NFIX: variants seen among roughly 807,000 people sequenced by gnomAD.
NFIX encodes nuclear factor I X.
In NFIX, 2 loss-of-function variants were observed where a neutral mutation model predicts 53.3. The observed-to-expected ratio is 0.04, with a 90% confidence interval of 0.02 to 0.12. NFIX has a LOEUF of 0.12. Among genes scored for constraint, NFIX ranks in the 10% least tolerant of loss-of-function variants. NFIX has a pLI of 1.00. For synonymous variants in NFIX, 244 were observed against 289.0 expected, an observed-to-expected ratio of 0.84 and a Z score of 1.58; for missense variants, 310 against 674.5, an observed-to-expected ratio of 0.46 and a Z score of 5.99.
At chr19:13,017,795 C>T (rs2012748308) in intron 1 of NFIX, among the ~76,000 whole-genome samples, 1 of 152,220 alleles carries the variant, frequency 6.6e-6, no homozygotes, top group African/African-American at 2.4e-5. Context: ...CTTTGCCTTG[C>T]CTTTTGTCAC....
chr19:12,996,819 AGCGAAGTTCCCTGCGCG>A lies in NFIX; in HGVS notation c.27+959_27+975del, dbSNP rs1400851491. 2.0e-5 allele frequency among the ~76,000 whole-genome samples: 3 copies of A among 152,258 alleles called. No homozygotes were observed. Among genetic ancestry groups the A allele is most frequent in the Non-Finnish European group, 4.4e-5 (3 of 68,032 alleles). On this transcript the variant is annotated intron_variant, in intron 1 of 10. Transcript: ENST00000592199. The surrounding 1 kb of genome is among the most constrained non-coding windows in gnomAD (Gnocchi z 5.2). ...CGTTGCTAGAGCGCGTCCCGCCTGC[AGCGAAGTTCCCTGCGCG>A]GCGCACGGCTGCGGCAAAAGCTTCG...
chr19:13,004,929 G>A (rs2011936002), intron 1 of NFIX, among the ~76,000 whole-genome samples: 1 of 151,794 alleles, frequency 6.6e-6, no homozygotes, highest in Non-Finnish European at 1.5e-5. Context: ...CAATTCTCAT[G>A]CCTCAGCCTC....
intron 2 of NFIX, among the ~76,000 whole-genome samples, chr19:13,035,385 T>G (rs1425604427): frequency 2.0e-5 from 3 of 152,138 alleles, no homozygotes; most frequent in Non-Finnish European, 4.4e-5. Flanking sequence ...CCTCTCTGAT[T>G]TTTTGCATAG....
chr19:13,003,643 CAT>C (rs1491281727), intron 1 of NFIX, among the ~76,000 whole-genome samples: 2 of 151,922 alleles, frequency 1.3e-5, no homozygotes, highest in Non-Finnish European at 2.9e-5. Context: ...TGTCTGGAAA[CAT>C]TTTTTTTTTT....
intron 2 of NFIX, among the ~76,000 whole-genome samples, chr19:13,061,084 C>T (rs116360336): frequency 1.3e-5 from 1 of 75,678 alleles, no homozygotes; most frequent in East Asian, 8.9e-4. Context: ...GGCCTTAGAC[C>T]CCCCCCTCCC....
In NFIX at chr19:13,001,905, C is replaced by T. The variant is rs1436235074; in HGVS notation, c.27+6041C>T. On this transcript the variant is annotated intron_variant, in intron 1 of 10. Coordinates refer to ENST00000592199, the MANE Select transcript of NFIX (RefSeq NM_001365902.3). The surrounding 1 kb of genome is among the most constrained non-coding windows in gnomAD (Gnocchi z 6.5). ...CTTGCTGGGGGCCCCGCCCGTGCCC[C>T]TGGCCTGGCGTGGACAGAAGCCCGT... is the stretch of plus-strand genomic sequence containing the variant. 6.6e-6 allele frequency among the ~76,000 whole-genome samples: 1 copy of T among 152,250 alleles called. No homozygotes were observed. The highest frequency in any genetic ancestry group is 2.4e-5 in the African/African-American group (1 of 41,468).
chr19:13,024,275 G>T (rs2013144261), intron 1 of NFIX, among the ~76,000 whole-genome samples: 1 of 152,192 alleles, frequency 6.6e-6, no homozygotes, highest in Non-Finnish European at 1.5e-5. Context: ...CACCTTATTT[G>T]TGCTAACAAG....
chr19:13,087,857 A>T, intron 8 of NFIX, 132 bp from the exon 9 acceptor site: 1 of 801,320 alleles, frequency 1.2e-6, no homozygotes, highest in Non-Finnish European at 1.8e-6. Context: ...TGTGCCCTGG[A>T]GGAGAGGACC....
intron 10 of NFIX, among the ~76,000 whole-genome samples, chr19:13,092,871 G>A (rs961321848): frequency 2.0e-5 from 3 of 152,256 alleles, no homozygotes; most frequent in African/African-American, 7.2e-5. Flanking sequence ...AGGCCCCAAT[G>A]AGCCTCTGTT....
In NFIX at chr19:13,086,977, G is replaced by A. The variant is rs142118088; in HGVS notation, c.1255-1012G>A. ...CTCGCATCCGGGTGCCCGGAAGGGC[G>A]GAACTCTATCCCACAGGAGAGGTGC... On this transcript the variant is annotated intron_variant, in intron 8 of 10. Coordinates refer to ENST00000592199, the MANE Select transcript of NFIX (RefSeq NM_001365902.3). Among the ~76,000 whole-genome samples the A allele has an allele frequency of 1.2e-3, 182 of 152,330 alleles. 1 individual carries two copies. The South Asian group carries it at 0.012, about 10-fold the overall frequency.
intron 2 of NFIX, among the ~76,000 whole-genome samples, chr19:13,031,244 A>T (rs1246579707): frequency 6.6e-6 from 1 of 152,134 alleles, no homozygotes; most frequent in Non-Finnish European, 1.5e-5. Context: ...TGCTGGCTGA[A>T]TTGGAGGCTA....
intron 7 of NFIX, among the ~76,000 whole-genome samples, chr19:13,080,532 T>G (rs1599859488): frequency 6.6e-6 from 1 of 152,330 alleles, no homozygotes; most frequent in East Asian, 1.9e-4. Context: ...GCCATGTCTT[T>G]GTTTAAAATG....
intron 2 of NFIX, among the ~76,000 whole-genome samples, chr19:13,034,029 G>A (rs1251859853): frequency 6.6e-6 from 1 of 152,222 alleles, no homozygotes; most frequent in Non-Finnish European, 1.5e-5. Flanking sequence ...AGGGGACTCT[G>A]GTCACATGAT....
rs75817104 is a variant in NFIX, at chr19:13,015,420, C to G, written c.28-9601C>G. Among the ~76,000 whole-genome samples the G allele has an allele frequency of 3.4e-3, 512 of 152,274 alleles. 6 individuals carry two copies. The highest frequency in any genetic ancestry group is 0.012 in the African/African-American group (485 of 41,550). ...CCCGCCCCAGGACCCTAGGCCCAGC[C>G]TGGTGTCGCTTGCTCACTCTCTCTG... On this transcript the variant is annotated intron_variant, in intron 1 of 10. Transcript: ENST00000592199.
chr19:13,024,113 C>CAAAAAA, intron 1 of NFIX: 5 of 412,058 alleles, frequency 1.2e-5, no homozygotes, highest in Admixed American at 4.9e-5. Flanking sequence ...AGCAAACAAC[C>CAAAAAA]AAAAAAAAAA....
intron 8 of NFIX, chr19:13,082,476 T>C (rs2017529537): frequency 6.6e-6 from 1 of 152,198 alleles, no homozygotes; most frequent in African/African-American, 2.4e-5. Flanking sequence ...CCGATCCACA[T>C]AGCTGCCACG....
rs576291386 is a variant in NFIX, at chr19:13,045,046, C to T, written c.559+19494C>T. 3.3e-5 allele frequency among the ~76,000 whole-genome samples: 5 copies of T among 152,274 alleles called. No homozygotes were observed. Among genetic ancestry groups the T allele is most frequent in the African/African-American group, 9.6e-5 (4 of 41,552 alleles). On this transcript the variant is annotated intron_variant, in intron 2 of 10. Transcript: ENST00000592199. The surrounding 1 kb of genome is among the most constrained non-coding windows in gnomAD (Gnocchi z 4.4). ...GATGGTGAGAACAGCGGTGGCCCGC[C>T]GGCAGCTCAGATACCTGGGAGCAGC...
intron 1 of NFIX, among the ~76,000 whole-genome samples, chr19:13,020,523 G>A (rs2012910393): frequency 6.6e-6 from 1 of 152,222 alleles, no homozygotes; most frequent in African/African-American, 2.4e-5. Context: ...CCCATAGAGA[G>A]AATGGGGTGA....
rs1479128437 is a variant in NFIX at position 13,012,383 on chromosome 19, G to C, written c.28-12638G>C. On this transcript the variant is annotated intron_variant, in intron 1 of 10. Coordinates refer to ENST00000592199, the MANE Select transcript of NFIX (RefSeq NM_001365902.3). This position sits in a 1 kb window ranked among gnomAD's most constrained non-coding sequence, Gnocchi z 5.0. ...TAGTGGGTCTGGGTGGCGTCCTCCC[G>C]GCCCCTCGCTGCTCAAGCGCGGCTC... 2 of 152,030 alleles carry C rather than the reference G, an allele frequency of 1.3e-5. No individual in the cohort carries two copies. The highest frequency in any genetic ancestry group is 3.9e-4 in the East Asian group (2 of 5,160). 9.4% of individuals were successfully genotyped at this position (152,030 alleles called of 1,614,324 possible). A position where few individuals can be genotyped will look rare whatever the true frequency, so the allele number is the denominator to read the frequency against.
Sources: gnomAD v4.1 joint callset for allele counts (sites outside exome capture counted in the v4.1 genomes callset) on GRCh38, gnomAD v4.1.1 for gene constraint, Gnocchi (gnomAD v3.1) non-coding constraint, MANE v1.5 for transcripts, NCBI Gene and HGNC (gene_info 2026-07-23, HGNC 2026-07-21) for gene names.